WAC: variants seen among roughly 807,000 people sequenced by gnomAD.
WAC encodes WW domain-containing adapter protein with coiled-coil.
A neutral mutation model predicts 79.6 loss-of-function variants in WAC; 11 were observed. The observed-to-expected ratio is 0.14, with a 90% CI of 0.09 to 0.23. The LOEUF (loss-of-function observed/expected upper bound fraction) is 0.23, where lower values mean the gene tolerates loss of function less well. Among genes scored for constraint, WAC ranks in the 10% least tolerant of loss-of-function variants. WAC has a pLI of 1.00. For synonymous variants in WAC, 304 were observed against 276.9 expected (o/e 1.10, Z -0.97); for missense variants, 728 against 773.5 (o/e 0.94, Z 0.70).
chr10:28,579,591 G>A (rs1332544556), intron 3 of WAC, among the ~76,000 whole-genome samples: 1 of 152,132 alleles, frequency 6.6e-6, no homozygotes, highest in Non-Finnish European at 1.5e-5. Context: ...TTTAAGATAG[G>A]AGATTTAAAA....
intron 3 of WAC, chr10:28,537,535 A>G (rs904755144): frequency 6.6e-6 from 1 of 152,244 alleles, no homozygotes; most frequent in Non-Finnish European, 1.5e-5. Context: ...TCAGTTATAA[A>G]TGCTTTCAAT....
chr10:28,571,520 T>C (rs1838962812), intron 3 of WAC, among the ~76,000 whole-genome samples: 1 of 152,252 alleles, frequency 6.6e-6, no homozygotes, highest in African/African-American at 2.4e-5. Context: ...TTGTTCATAA[T>C]GTGTCCCTTG....
chr10:28,536,127 G>A (rs1836656932), intron 3 of WAC, among the ~76,000 whole-genome samples: 1 of 151,950 alleles, frequency 6.6e-6, no homozygotes, highest in Non-Finnish European at 1.5e-5. Context: ...GGCGCCTGTA[G>A]TGCCAGCTCT....
chr10:28,618,472 G>A (rs1841568835), intron 13 of WAC, among the ~76,000 whole-genome samples: 1 of 152,174 alleles, frequency 6.6e-6, no homozygotes, highest in South Asian at 2.1e-4. Context: ...TAAAATATCT[G>A]GAGGTACTCT....
At chr10:28,567,033 AC>A (rs1438025713) in intron 3 of WAC, among the ~76,000 whole-genome samples, 2 of 146,264 alleles carry the variant, frequency 1.4e-5, no homozygotes, top group Non-Finnish European at 3.0e-5. Context: ...TAAGTACTTT[AC>A]ATTTTTGTCT....
intron 2 of WAC, chr10:28,534,434 G>A (rs1231663318): frequency 1.6e-5 from 3 of 182,480 alleles, no homozygotes; most frequent in African/African-American, 7.0e-5. Context: ...GAAGAACTTG[G>A]GTAAATAGCT....
intron 3 of WAC, among the ~76,000 whole-genome samples, chr10:28,575,777 G>A (rs332143): frequency 0.84 from 127,266 of 152,184 alleles, 53,342 homozygotes; most frequent in East Asian, 0.94. Flanking sequence ...TCACTTTCTG[G>A]TAGTGTCTTT....
chr10:28,592,398 C>T (rs746025567), intron 6 of WAC, among the ~76,000 whole-genome samples: 9 of 151,970 alleles, frequency 5.9e-5, no homozygotes, highest in Non-Finnish European at 1.0e-4. Context: ...CTGAGGCAGG[C>T]GGATCACGAA....
chr10:28,618,987 T>A lies in WAC; in HGVS notation c.1875-550T>A, dbSNP rs184373880. 4.6e-5 allele frequency among the ~76,000 whole-genome samples: 7 copies of A among 152,310 alleles called. No individual in the cohort carries two copies. In the East Asian group the frequency reaches 1.4e-3, roughly 29 times the overall value. On this transcript the variant is annotated intron_variant, in intron 13 of 13. Coordinates refer to ENST00000354911, the MANE Select transcript of WAC (RefSeq NM_016628.5). ...AGAGCCAAAGGAATTATTAAGAAAT[T>A]GTTAGAAAAGGCTGGGCGCGGTGGC...
chr10:28,583,478 C>T lies in WAC; in HGVS notation c.354C>T (p.Ser118=), dbSNP rs1839643040. Residue 118 remains serine (S), a synonymous_variant, in exon 4 of 14, where the codon AGC becomes AGT. Coordinates refer to ENST00000354911, the MANE Select transcript of WAC (RefSeq NM_016628.5). The stretch of plus-strand genomic sequence containing the variant: ...CAAATTCACATTCTTCTAATCCAAG[C>T]AATAACCCAAGCAAAACTTCAGATG... ...HSSNSHSSNP[S]NNPSKTSDAP... The T allele has an allele frequency of 6.4e-7, 1 of 1,568,968 alleles. No individual in the cohort carries two copies. The highest frequency in any genetic ancestry group is 8.6e-7 in the Non-Finnish European group (1 of 1,162,972).
intron 3 of WAC, among the ~76,000 whole-genome samples, chr10:28,559,175 G>A (rs779520468): frequency 3.4e-5 from 3 of 87,334 alleles, no homozygotes; most frequent in Non-Finnish European, 6.4e-5. Context: ...TAAGTCTGAT[G>A]TTCTCTTGGG....
At position 28,602,798 on chromosome 10, in the gene WAC, G is replaced by A. The variant is rs148604004; in HGVS notation, c.920-5388G>A. 2.9e-3 allele frequency among the ~76,000 whole-genome samples: 440 copies of A among 152,302 alleles called. 3 individuals are homozygous for A. Among genetic ancestry groups the A allele is most frequent in the African/African-American group, 9.9e-3 (410 of 41,572 alleles). The stretch of plus-strand genomic sequence containing the variant: ...TTTTAAACCCTAGAAAGAGGTTATA[G>A]CAACAGATTTTTATGCGTCTAGTCT... On this transcript the variant is annotated intron_variant, in intron 7 of 13. Coordinates refer to ENST00000354911, the MANE Select transcript of WAC (RefSeq NM_016628.5).
chr10:28,551,641 AT>A (rs1445457287), intron 3 of WAC, among the ~76,000 whole-genome samples: 1 of 152,170 alleles, frequency 6.6e-6, no homozygotes, highest in Non-Finnish European at 1.5e-5. Flanking sequence ...ATTGTTTTTA[AT>A]GGTTAAACCC....
intron 3 of WAC, among the ~76,000 whole-genome samples, chr10:28,551,785 TG>T (rs1327157191): frequency 2.1e-4 from 1 of 4,840 alleles, no homozygotes; most frequent in African/African-American, 8.5e-4. Flanking sequence ...CCTGTCTACT[TG>T]TGTGTGTGTG....
At chr10:28,586,747 A>G (rs555593662) in intron 4 of WAC, among the ~76,000 whole-genome samples, 15 of 152,308 alleles carry the variant, frequency 9.8e-5, no homozygotes, top group African/African-American at 3.6e-4. Flanking sequence ...AGATTATTTT[A>G]GATTAGTTGT....
chr10:28,552,712 TAG>T (rs913097779), intron 3 of WAC, among the ~76,000 whole-genome samples: 1 of 152,144 alleles, frequency 6.6e-6, no homozygotes, highest in Non-Finnish European at 1.5e-5. Flanking sequence ...TGTATGCTGG[TAG>T]AGAGTATTGT....
chr10:28,536,784 A>G (rs1229912333), intron 3 of WAC, among the ~76,000 whole-genome samples: 1 of 152,252 alleles, frequency 6.6e-6, no homozygotes, highest in African/African-American at 2.4e-5. Context: ...TGTCAAAAGC[A>G]TGCATTAAGG....
intron 13 of WAC, 124 bp from the exon 14 acceptor site, chr10:28,619,403 AATAATTTTTT>A: frequency 1.5e-6 from 1 of 653,636 alleles, no homozygotes; most frequent in South Asian, 2.2e-5. Context: ...TTTATAGTTA[AATAATTTTTT>A]AAATTTCTTT....
At chr10:28,547,915 CTTTTTTT>C (rs11408560) in intron 3 of WAC, among the ~76,000 whole-genome samples, 1 of 132,328 alleles carries the variant, frequency 7.6e-6, no homozygotes, top group Non-Finnish European at 1.6e-5. Context: ...TTCTCTTTTT[CTTTTTTT>C]TTTTTTTTCT....
Sources: gnomAD v4.1 joint callset for allele counts (sites outside exome capture counted in the v4.1 genomes callset) on GRCh38, gnomAD v4.1.1 for gene constraint, MANE v1.5 for transcripts, NCBI Gene and HGNC (gene_info 2026-07-23, HGNC 2026-07-21) for gene names.